DNAH2: variants seen among roughly 807,000 people sequenced by gnomAD.
DNAH2 encodes dynein axonemal heavy chain 2, also known as axonemal beta dynein heavy chain 2.
DNAH2 carries 323 observed loss-of-function variants against 523.5 expected under a neutral mutation model. The observed-to-expected ratio is 0.62, with a 90% CI of 0.56 to 0.68. The LOEUF is 0.68. DNAH2 is among the 30% of genes least tolerant of loss of function. The probability of loss-of-function intolerance (pLI) is 0.00; values close to 1 mark genes in which losing one functional copy is unlikely to be tolerated. For synonymous variants in DNAH2, 2,093 were observed against 2,177.4 expected (o/e 0.96, Z 1.08); for missense variants, 4,907 against 5,701.5 (o/e 0.86, Z 4.49).
rs748758597 is a variant in DNAH2 at position 7,799,238 on chromosome 17, T to C, written c.8695T>C (p.Phe2899Leu). ...CTGCCTCAGCCCCATGGGGGATCCC[T>C]TCAGGTGACTTCTGTGACATCCTTC... ...VLCLSPMGDPFRNWIRQYPAL... is the reference protein window; with the variant it reads ...VLCLSPMGDPLRNWIRQYPAL... Residue 2899 changes from phenylalanine (F) to leucine (L), a missense_variant, in exon 56 of 86, where the codon TTC (phenylalanine) becomes CTC (leucine). Coordinates refer to ENST00000572933, the MANE Select transcript of DNAH2 (RefSeq NM_020877.5). 1 of 1,613,972 alleles carries C rather than the reference T, an allele frequency of 6.2e-7. No homozygotes were observed. Among genetic ancestry groups the C allele is most frequent in the Admixed American group, 1.7e-5 (1 of 60,018 alleles).
chr17:7,824,665 C>T lies in DNAH2; in HGVS notation c.11791C>T (p.His3931Tyr). The change falls in exon 77 of 86, where the codon CAC (histidine) becomes TAC (tyrosine). Residue 3931 changes from histidine (H) to tyrosine (Y), a missense_variant. His to Tyr is a moderately conservative substitution (Grantham distance 83). Transcript: ENST00000572933. Reference protein sequence around the residue: ...SFRLWLSSIPHPDFPISILQV... With the variant: ...SFRLWLSSIPYPDFPISILQV... ...CCGCCTCTGGCTCAGCTCCATCCCC[C>T]ACCCAGACTTCCCTATCTCAATCTT... The T allele has an allele frequency of 1.2e-6, 2 of 1,606,830 alleles. No homozygotes were observed. Among genetic ancestry groups the T allele is most frequent in the Non-Finnish European group, 1.7e-6 (2 of 1,175,206 alleles).
intron 33 of DNAH2, 81 bp downstream of exon 33, chr17:7,777,715 A>G: frequency 6.5e-7 from 1 of 1,549,720 alleles, no homozygotes; most frequent in South Asian, 1.2e-5. Flanking sequence ...CTGTAAATGC[A>G]AGGATATCCT....
chr17:7,724,240 C>T (rs1182888130), intron 3 of DNAH2, among the ~76,000 whole-genome samples: 1 of 151,666 alleles, frequency 6.6e-6, no homozygotes, highest in Non-Finnish European at 1.5e-5. Context: ...TAATAACTAT[C>T]GAAGAAAAAA....
chr17:7,757,538 A>G (rs2075879455), intron 13 of DNAH2, among the ~76,000 whole-genome samples: 1 of 152,116 alleles, frequency 6.6e-6, no homozygotes, highest in African/African-American at 2.4e-5. Context: ...ACGGGCTGGC[A>G]TTAGGATTAT....
Position 7,824,631 on chromosome 17 carries a change from T to A in DNAH2, c.11757T>A (p.His3919Gln). The change falls in exon 77 of 86, where the codon CAT (histidine) becomes CAA (glutamine). Residue 3919 changes from histidine to glutamine, a missense_variant. By Grantham distance (24) the His-to-Gln change is conservative. Coordinates refer to ENST00000572933, the MANE Select transcript of DNAH2 (RefSeq NM_020877.5). ...AGCAGCTGCAGGTGGAGGATCCTCA[T>A]CCATCCTTCCGCCTCTGGCTCAGCT... ...LVEQLQVEDPHPSFRLWLSSI... is the reference protein window; with the variant it reads ...LVEQLQVEDPQPSFRLWLSSI... 1 of 1,609,356 alleles carries A rather than the reference T, an allele frequency of 6.2e-7. No individual in the cohort carries two copies. Among genetic ancestry groups the A allele is most frequent in the Non-Finnish European group, 8.5e-7 (1 of 1,176,876 alleles).
At chr17:7,728,541 A>T (rs1484058133) in intron 4 of DNAH2, among the ~76,000 whole-genome samples, 1 of 152,238 alleles carries the variant, frequency 6.6e-6, no homozygotes, top group African/African-American at 2.4e-5. Context: ...CACAATTTGC[A>T]AAATATATTT....
chr17:7,829,352 C>T (rs1406614573), intron 77 of DNAH2, among the ~76,000 whole-genome samples: 2 of 152,124 alleles, frequency 1.3e-5, no homozygotes, highest in Non-Finnish European at 2.9e-5. Flanking sequence ...CTATCCACGG[C>T]CCTCCTCTTC....
intron 4 of DNAH2, among the ~76,000 whole-genome samples, chr17:7,730,374 C>A (rs16956936): frequency 6.6e-6 from 1 of 151,900 alleles, no homozygotes; most frequent in East Asian, 1.9e-4. Flanking sequence ...CTAACAGATA[C>A]GAAAGACTAA....
At chr17:7,802,725 G>A (rs753356177) in intron 58 of DNAH2, among the ~76,000 whole-genome samples, 2 of 151,752 alleles carry the variant, frequency 1.3e-5, no homozygotes, top group East Asian at 3.9e-4. Flanking sequence ...GTGCAGTGGC[G>A]CAGTCTTGGC....
intron 18 of DNAH2, among the ~76,000 whole-genome samples, chr17:7,762,714 A>G (rs1027942267): frequency 6.6e-6 from 1 of 152,152 alleles, no homozygotes; most frequent in African/African-American, 2.4e-5. Context: ...GAGCAAAGGC[A>G]TAAAGATGTG....
chr17:7,752,866 G>T (rs2075728478), intron 12 of DNAH2, among the ~76,000 whole-genome samples: 2 of 152,172 alleles, frequency 1.3e-5, no homozygotes, highest in South Asian at 2.1e-4. Flanking sequence ...CAGGTGAATT[G>T]TTGTTAGCAC....
chr17:7,817,965 T>G lies in DNAH2; in HGVS notation c.10256T>G (p.Leu3419Arg), dbSNP rs750936184. The change falls in exon 68 of 86, where the codon CTG becomes CGG. Residue 3419 changes from leucine (L) to arginine (R), a missense_variant. Leu to Arg is a moderately radical substitution (Grantham distance 102). Coordinates refer to ENST00000572933, the MANE Select transcript of DNAH2 (RefSeq NM_020877.5). Reference protein sequence around the residue: ...EGGQGLKIIDLQMSDYLRILE... With the variant: ...EGGQGLKIIDRQMSDYLRILE... ...CTCTAGGGCCTGAAGATCATCGACC[T>G]GCAGATGAGCGATTACCTGCGAATC... 27 of 1,613,986 alleles carry G rather than the reference T, an allele frequency of 1.7e-5. No homozygotes were observed. In the East Asian group the frequency reaches 5.6e-4, roughly 33 times the overall value.
At chr17:7,739,691 T>C in intron 8 of DNAH2, 42 bp from the exon 9 acceptor site, 1 of 1,588,654 alleles carries the variant, frequency 6.3e-7, no homozygotes, top group Non-Finnish European at 8.6e-7. Flanking sequence ...ACTTTGGAGT[T>C]TGGAAGGAAA....
chr17:7,765,056 G>A (rs1213129018), intron 20 of DNAH2, among the ~76,000 whole-genome samples: 4 of 152,054 alleles, frequency 2.6e-5, no homozygotes, highest in Non-Finnish European at 5.9e-5. Context: ...ACCACACCCG[G>A]CCAGGGTTTC....
chr17:7,794,725 T>C (rs2077015625), intron 49 of DNAH2, among the ~76,000 whole-genome samples: 2 of 150,896 alleles, frequency 1.3e-5, no homozygotes, highest in African/African-American at 2.4e-5. Flanking sequence ...GACTCTGTAA[T>C]CAGGAGAAAT....
In DNAH2 at chr17:7,807,196, T is replaced by C; in HGVS notation, c.9489T>C (p.Asn3163=). 5 of 1,612,266 alleles carry C rather than the reference T, an allele frequency of 3.1e-6. No individual in the cohort carries two copies. Among genetic ancestry groups the C allele is most frequent in the South Asian group, 1.1e-5 (1 of 91,088 alleles). Residue 3163 remains asparagine (N), a synonymous_variant, in exon 62 of 86, where the codon AAT becomes AAC. Coordinates refer to ENST00000572933, the MANE Select transcript of DNAH2 (RefSeq NM_020877.5). The surrounding 1 kb of genome is among the most constrained non-coding windows in gnomAD (Gnocchi z 5.6). The part of the protein sequence containing the change: ...IKSLINFDKD[N]ISDKVLKKIG... ...CACTGATCAACTTTGATAAAGACAA[T>C]ATCTCAGATAAGGTTCTGAAGAAGA...
chr17:7,754,306 A>G lies in DNAH2; in HGVS notation c.1905-2785A>G, dbSNP rs2075774355. On this transcript the variant is annotated intron_variant, in intron 12 of 85. Coordinates refer to ENST00000572933, the MANE Select transcript of DNAH2 (RefSeq NM_020877.5). This position sits in a 1 kb window ranked among gnomAD's most constrained non-coding sequence, Gnocchi z 4.6. ...AGGTATAGGAGAGCTGGAAGAGGGC[A>G]TCTGAAAGGGAAAGGAAGTTATACT... The G allele has an allele frequency of 5.3e-6, 2 of 378,812 alleles. No individual in the cohort carries two copies. The highest frequency in any genetic ancestry group is 7.3e-5 in the South Asian group (1 of 13,660). 23.5% of individuals were successfully genotyped at this position (378,812 alleles called of 1,614,324 possible).
At position 7,818,728 on chromosome 17, in the gene DNAH2, T is replaced by C. The variant is rs1476272597; in HGVS notation, c.10622T>C (p.Ile3541Thr). ...CAGAAGGACTCACTGGTCATCAACA[T>C]CGCGGCTGGTAAAAGGAAGCTCAAG... ...EEQKDSLVIN[I>T]AAGKRKLKEL... The change falls in exon 70 of 86, where the codon ATC becomes ACC. Residue 3541 changes from isoleucine (I) to threonine (T), a missense_variant. This residue lies in a region of DNAH2 where 1,851 missense variants were observed against 2,139.4 expected (regional missense o/e 0.87). Transcript: ENST00000572933. 6.2e-7 allele frequency: 1 copy of C among 1,614,016 alleles called. No individual in the cohort carries two copies. The highest frequency in any genetic ancestry group is 2.2e-5 in the East Asian group (1 of 44,862).
rs1597802119 is a variant in DNAH2, at chr17:7,831,845, C to T, written c.12726+70C>T. The T allele has an allele frequency of 1.4e-6, 2 of 1,439,794 alleles. No homozygotes were observed. Among genetic ancestry groups the T allele is most frequent in the East Asian group, 2.3e-5 (1 of 43,216 alleles). 89.2% of individuals were successfully genotyped at this position (1,439,794 alleles called of 1,614,324 possible). ...CTCTCAATCCTGGGCCCCCCAATCTCCTGGTTCTAGGTGGGCATAAAGCAA... is the reference window on the plus strand; with the variant it reads ...CTCTCAATCCTGGGCCCCCCAATCTTCTGGTTCTAGGTGGGCATAAAGCAA... On this transcript the variant is annotated intron_variant, in intron 82 of 85. Coordinates refer to ENST00000572933, the MANE Select transcript of DNAH2 (RefSeq NM_020877.5). This position sits in a 1 kb window ranked among gnomAD's most constrained non-coding sequence, Gnocchi z 4.2.
Sources: gnomAD v4.1 joint callset for allele counts (sites outside exome capture counted in the v4.1 genomes callset) on GRCh38, gnomAD v4.1.1 for gene constraint, gnomAD v4.1.1 regional missense constraint, Gnocchi (gnomAD v3.1) non-coding constraint, MANE v1.5 for transcripts, NCBI Gene and HGNC (gene_info 2026-07-23, HGNC 2026-07-21) for gene names.